The following MEI4 variants were observed in gnomAD, a reference collection of about 807,000 sequenced individuals.
The protein encoded by MEI4 is meiotic double-stranded break formation protein 4.
In MEI4, 27 loss-of-function variants were observed where a neutral mutation model predicts 31.4. The ratio of observed to expected loss-of-function variants is 0.86; its 90% CI spans 0.63 to 1.19. MEI4 has a LOEUF of 1.19. Ranked by LOEUF, MEI4 falls within the 50% of genes most tolerant of loss-of-function variation. MEI4 has a pLI of 0.00. For missense variants in MEI4, 329 were observed against 398.9 expected (o/e 0.82, Z 1.49); for synonymous variants, 122 against 145.4 (o/e 0.84, Z 1.16).
At chr6:77,688,987 G>T (rs551472669) in intron 1 of MEI4, among the ~76,000 whole-genome samples, 1 of 152,096 alleles carries the variant, frequency 6.6e-6, no homozygotes, top group East Asian at 1.9e-4. Flanking sequence ...ACAGTATCTA[G>T]TCCTTAGTGT....
intron 2 of MEI4, among the ~76,000 whole-genome samples, chr6:77,696,211 C>G (rs961549436): frequency 7.2e-5 from 11 of 152,152 alleles, no homozygotes; most frequent in African/African-American, 2.7e-4. Flanking sequence ...CATCTGCAAA[C>G]AGGGACAATT....
chr6:77,700,439 T>C (rs1031819125), intron 2 of MEI4, among the ~76,000 whole-genome samples: 45 of 152,190 alleles, frequency 3.0e-4, no homozygotes, highest in Non-Finnish European at 1.0e-4. Flanking sequence ...TTAAGCCCGT[T>C]GGAAAAGCGC....
intron 4 of MEI4, among the ~76,000 whole-genome samples, chr6:77,829,465 C>T (rs931852758): frequency 5.9e-5 from 9 of 152,072 alleles, no homozygotes; most frequent in Non-Finnish European, 1.2e-4. Context: ...AATCATCTGG[C>T]TAGCTTTTAA....
chr6:77,760,913 C>A (rs1350561659), intron 2 of MEI4, among the ~76,000 whole-genome samples: 1 of 152,158 alleles, frequency 6.6e-6, no homozygotes, highest in Admixed American at 6.6e-5. Context: ...ATGAATGAGT[C>A]ACCTTTCTAC....
At chr6:77,863,334 GA>G (rs1341675043) in intron 4 of MEI4, among the ~76,000 whole-genome samples, 1 of 151,604 alleles carries the variant, frequency 6.6e-6, no homozygotes, top group South Asian at 2.1e-4. Context: ...TAAAAACCTT[GA>G]AAAAAAATTA....
intron 3 of MEI4, among the ~76,000 whole-genome samples, chr6:77,815,037 G>T (rs1769657341): frequency 6.6e-6 from 1 of 152,064 alleles, no homozygotes; most frequent in South Asian, 2.1e-4. Context: ...TCCTTAAGAG[G>T]ATTACTGTGA....
intron 1 of MEI4, among the ~76,000 whole-genome samples, chr6:77,680,207 A>T (rs1197804167): frequency 6.7e-6 from 1 of 149,162 alleles, no homozygotes; most frequent in Non-Finnish European, 1.5e-5. Flanking sequence ...TGAACCTGGG[A>T]GGCGGAGCTT....
rs1364294414 is a variant in MEI4, at chr6:77,718,971, G to T, written c.232+28068G>T. Among the ~76,000 whole-genome samples the T allele has an allele frequency of 2.2e-5, 3 of 135,084 alleles. No individual in the cohort carries two copies. In the East Asian group the frequency reaches 6.4e-4, roughly 29 times the overall value. 88.6% of individuals were successfully genotyped at this position (135,084 alleles called of 152,430 possible). ...TCTGGATGTTCAGGACCAGAAACAG[G>T]ACTTATTATTTTTGGTCTTGGGGTA... On this transcript the variant is annotated intron_variant, in intron 2 of 4. Transcript: ENST00000684080.
In MEI4 at chr6:77,851,566, A is replaced by C. The variant is rs568919303; in HGVS notation, c.900+22504A>C. 1.8e-4 allele frequency among the ~76,000 whole-genome samples: 26 copies of C among 141,114 alleles called. No individual in the cohort carries two copies. The East Asian group carries it at 5.6e-3, about 31-fold the overall frequency. 92.6% of individuals were successfully genotyped at this position (141,114 alleles called of 152,430 possible). A position where few individuals can be genotyped will look rare whatever the true frequency, so the allele number is the denominator to read the frequency against. ...CCAAACACCGCATGTTCTCGCTCAT[A>C]GGTGGGAATTGAACAATGAGAACAC... On this transcript the variant is annotated intron_variant, in intron 4 of 4. Transcript: ENST00000684080.
intron 3 of MEI4, among the ~76,000 whole-genome samples, chr6:77,788,849 A>G (rs62415485): frequency 0.17 from 25,725 of 152,188 alleles, 2,771 homozygotes; most frequent in Non-Finnish European, 0.23. Context: ...TACAGATTCA[A>G]TGCCATCCCC....
chr6:77,926,325 G>A lies in MEI4; in HGVS notation c.*2979G>A, dbSNP rs989972525. On this transcript the variant is annotated 3_prime_UTR_variant, in exon 5 of 5. Transcript: ENST00000684080. ...CATCTTTGACCTTTTCAGGGTTGTA[G>A]CATCTTGCTACTCAAGACTGTAGCC... 6.6e-6 allele frequency: 1 copy of A among 152,026 alleles called. No individual in the cohort carries two copies. The highest frequency in any genetic ancestry group is 1.9e-4 in the East Asian group (1 of 5,146). 9.4% of individuals were successfully genotyped at this position (152,026 alleles called of 1,614,324 possible). A position where few individuals can be genotyped will look rare whatever the true frequency, so the allele number is the denominator to read the frequency against.
chr6:77,907,923 G>A (rs1451666062), intron 4 of MEI4, among the ~76,000 whole-genome samples: 1 of 151,416 alleles, frequency 6.6e-6, no homozygotes, highest in Non-Finnish European at 1.5e-5. Context: ...GTTTTCATTT[G>A]TCTTTTGGCT....
intron 3 of MEI4, among the ~76,000 whole-genome samples, chr6:77,798,028 T>C (rs1243909496): frequency 6.6e-6 from 1 of 152,150 alleles, no homozygotes; most frequent in Non-Finnish European, 1.5e-5. Context: ...TAAATAATAA[T>C]AGTAAAAGAT....
chr6:77,850,820 A>C (rs1770598683), intron 4 of MEI4, among the ~76,000 whole-genome samples: 2 of 152,200 alleles, frequency 1.3e-5, no homozygotes, highest in South Asian at 4.1e-4. Flanking sequence ...TCTGCACAGC[A>C]AAAGAAACTA....
chr6:77,780,250 A>G (rs9361281), intron 3 of MEI4, among the ~76,000 whole-genome samples: 22,651 of 152,162 alleles, frequency 0.15, 2,046 homozygotes, highest in East Asian at 0.4. Flanking sequence ...AGTAGGTACA[A>G]AGGAATATAA....
Position 77,876,401 on chromosome 6 carries a change from T to A in MEI4, c.901-46688T>A, listed in dbSNP as rs147431502. Reference sequence around the variant, plus strand: ...GGATAAGTTCAGCTCCATTTTCTCCTTGTGTCCTGTGTTCATTTACCATGT... The same window carrying A: ...GGATAAGTTCAGCTCCATTTTCTCCATGTGTCCTGTGTTCATTTACCATGT... On this transcript the variant is annotated intron_variant, in intron 4 of 4. Coordinates refer to ENST00000684080, the MANE Select transcript of MEI4 (RefSeq NM_001322247.2). Among the ~76,000 whole-genome samples, 377 of 152,246 alleles carry A rather than the reference T, an allele frequency of 2.5e-3. 12 individuals carry two copies. In the East Asian group the frequency reaches 0.064, roughly 26 times the overall value.
At chr6:77,801,548 C>G (rs1163900557) in intron 3 of MEI4, among the ~76,000 whole-genome samples, 2 of 152,126 alleles carry the variant, frequency 1.3e-5, no homozygotes, top group Non-Finnish European at 2.9e-5. Flanking sequence ...TGTGTTTGCT[C>G]TTGCTTCTCT....
intron 4 of MEI4, among the ~76,000 whole-genome samples, chr6:77,854,786 C>T (rs1388978133): frequency 6.6e-6 from 1 of 152,032 alleles, no homozygotes; most frequent in Non-Finnish European, 1.5e-5. Flanking sequence ...ACACACTTGA[C>T]TTATATTATC....
At chr6:77,802,585 G>A (rs1274554872) in intron 3 of MEI4, among the ~76,000 whole-genome samples, 1 of 152,110 alleles carries the variant, frequency 6.6e-6, no homozygotes, top group Admixed American at 6.5e-5. Flanking sequence ...TTATAACTTG[G>A]CTTGTTTTTG....
Sources: gnomAD v4.1 joint callset for allele counts (sites outside exome capture counted in the v4.1 genomes callset) on GRCh38, gnomAD v4.1.1 for gene constraint, MANE v1.5 for transcripts, NCBI Gene and HGNC (gene_info 2026-07-23, HGNC 2026-07-21) for gene names.